The following VWDE variants were observed in gnomAD, a reference collection of about 807,000 sequenced individuals.
VWDE encodes von Willebrand factor D and EGF domain-containing protein.
Under a neutral mutation model 178.4 loss-of-function variants are expected in VWDE, and 207 were observed. The observed-to-expected ratio is 1.16, with a 90% confidence interval of 1.04 to 1.30. The LOEUF (loss-of-function observed/expected upper bound fraction) is 1.30. Ranked by LOEUF, VWDE falls within the 50% of genes most tolerant of loss-of-function variation. The pLI is 0.00. For missense variants in VWDE, 2,287 were observed against 1,901.3 expected (o/e 1.20, Z -3.77); for synonymous variants, 738 against 651.4 (o/e 1.13, Z -2.02).
At chr7:12,377,469 C>G (rs528099281) in intron 7 of VWDE, 1 of 181,806 alleles carries the variant, frequency 5.5e-6, no homozygotes, top group Non-Finnish European at 1.1e-5. Context: ...GAGGAATAAA[C>G]AGGAGAATGA....
chr7:12,388,927 TG>T, intron 3 of VWDE, 199 bp downstream of exon 3: 1 of 706,636 alleles, frequency 1.4e-6, no homozygotes, highest in Non-Finnish European at 2.6e-6. Context: ...CTTTCACGTG[TG>T]GGGGGACTTT....
intron 28 of VWDE, among the ~76,000 whole-genome samples, chr7:12,331,534 T>C (rs1210439654): frequency 6.6e-6 from 1 of 152,160 alleles, no homozygotes; most frequent in Non-Finnish European, 1.5e-5. Context: ...AGTGTTTCTC[T>C]GAAGTGTCTT....
Position 12,370,218 on chromosome 7 carries a change from C to A in VWDE, c.2088G>T (p.Leu696=). The part of the protein sequence containing the change: ...SPEEYNLNLF[L]QEKKHINLTK... ...TCAGGTTTATGTGTTTTTTTTCTTG[C>A]AGAAATAAATTTAGATTATATTCTT... The change falls in exon 12 of 29, where the codon CTG becomes CTT. Residue 696 remains leucine (L), a synonymous_variant. Transcript: ENST00000275358. 1 of 1,550,656 alleles carries A rather than the reference C, an allele frequency of 6.4e-7. No homozygotes were observed. The highest frequency in any genetic ancestry group is 2.4e-5 in the East Asian group (1 of 40,896).
chr7:12,379,961 G>A (rs1203695193), intron 5 of VWDE, among the ~76,000 whole-genome samples: 2 of 151,818 alleles, frequency 1.3e-5, no homozygotes, highest in Non-Finnish European at 1.5e-5. Flanking sequence ...GTGTGGGTGT[G>A]GTGGCGGGCG....
At chr7:12,374,843 C>T in intron 8 of VWDE, 81 bp from the exon 9 acceptor site, 1 of 1,148,568 alleles carries the variant, frequency 8.7e-7, no homozygotes, top group Admixed American at 2.7e-5. Flanking sequence ...GCAATCTCAA[C>T]AAACTTTCAA....
chr7:12,403,419 G>T (rs1002625145), intron 1 of VWDE, among the ~76,000 whole-genome samples: 1 of 152,238 alleles, frequency 6.6e-6, no homozygotes, highest in African/African-American at 2.4e-5. Flanking sequence ...AAGGGTCGTA[G>T]AGTAAGAGGA....
rs1233643012 is a variant in VWDE at position 12,403,827 on chromosome 7, G to A, written c.-111C>T. The A allele has an allele frequency of 7.5e-6, 9 of 1,202,160 alleles. No homozygotes were observed. The East Asian group carries it at 2.1e-4, about 27-fold the overall frequency. 74.5% of individuals were successfully genotyped at this position (1,202,160 alleles called of 1,614,324 possible). On this transcript the variant is annotated 5_prime_UTR_variant, in exon 1 of 29. Transcript: ENST00000275358. ...CTCCTTTCTTGGATTTTCTCAGTCT[G>A]TTGCTGCTTGGAACAGGGAAGCTCC...
chr7:12,399,172 A>G (rs1784762561), intron 1 of VWDE, among the ~76,000 whole-genome samples: 1 of 152,168 alleles, frequency 6.6e-6, no homozygotes, highest in South Asian at 2.1e-4. Context: ...TTCTTTACGT[A>G]TCAAAAGACA....
Position 12,374,710 on chromosome 7 carries a change from T to G in VWDE, c.1295A>C (p.His432Pro), listed in dbSNP as rs1403332213. Residue 432 changes from histidine (H) to proline (P), a missense_variant, in exon 9 of 29, where the codon CAT becomes CCT. Coordinates refer to ENST00000275358, the MANE Select transcript of VWDE (RefSeq NM_001135924.3). ...TAYCYTFTDP[H>P]IITFDGRVYD... is the part of the protein sequence containing the mutation. The stretch of plus-strand genomic sequence containing the variant: ...TTACCTGCCATCAAATGTAATTATA[T>G]GTGGGTCAGTAAATGTATAGCAGTA... 1 of 1,538,756 alleles carries G rather than the reference T, an allele frequency of 6.5e-7. No individual in the cohort carries two copies. The highest frequency in any genetic ancestry group is 8.8e-7 in the Non-Finnish European group (1 of 1,142,428).
chr7:12,388,772 T>A, intron 3 of VWDE: 1 of 361,622 alleles, frequency 2.8e-6, no homozygotes, highest in Non-Finnish European at 5.5e-6. Context: ...GATGAAATAA[T>A]ATAAAATGTA....
At chr7:12,356,074 T>G (rs1782225618) in intron 18 of VWDE, 37 bp downstream of exon 18, 7 of 1,521,540 alleles carry the variant, frequency 4.6e-6, no homozygotes, top group South Asian at 1.2e-5. Flanking sequence ...TTCAAGGAGC[T>G]TTTCTTTCTA....
rs926220639 is a variant in VWDE at position 12,403,773 on chromosome 7, G to A, written c.-57C>T. The A allele has an allele frequency of 8.5e-5, 130 of 1,533,956 alleles. No homozygotes were observed. The highest frequency in any genetic ancestry group is 1.1e-4 in the Non-Finnish European group (124 of 1,132,612). ...GCAGAGCCCGGGCCGCGGGTGCCAG[G>A]AGGATGGGGCCACAGCAGCCCCTCG... On this transcript the variant is annotated 5_prime_UTR_variant, in exon 1 of 29. Coordinates refer to ENST00000275358, the MANE Select transcript of VWDE (RefSeq NM_001135924.3).
intron 3 of VWDE, among the ~76,000 whole-genome samples, chr7:12,385,090 A>T (rs1464225355): frequency 6.6e-6 from 1 of 152,090 alleles, no homozygotes; most frequent in Non-Finnish European, 1.5e-5. Flanking sequence ...AATTGCTTTG[A>T]TTACAATTAT....
chr7:12,357,163 G>A, intron 17 of VWDE, 102 bp downstream of exon 17: 3 of 1,375,506 alleles, frequency 2.2e-6, no homozygotes, highest in Non-Finnish European at 2.9e-6. Context: ...TAATAACTTT[G>A]TTGCTCTTTA....
intron 1 of VWDE, among the ~76,000 whole-genome samples, chr7:12,400,190 G>A (rs1595800): frequency 0.11 from 16,456 of 151,852 alleles, 1,107 homozygotes; most frequent in Non-Finnish European, 0.14. Flanking sequence ...TAAACCTAAA[G>A]GAAGCAGAAG....
intron 18 of VWDE, among the ~76,000 whole-genome samples, chr7:12,354,732 A>G (rs543591222): frequency 1.2e-4 from 19 of 152,302 alleles, no homozygotes; most frequent in Non-Finnish European, 2.9e-5. Flanking sequence ...TTGTTTTTGT[A>G]AATAAGATGA....
At chr7:12,355,920 G>C (rs760582189) in intron 18 of VWDE, among the ~76,000 whole-genome samples, 191 bp downstream of exon 18, 1 of 152,126 alleles carries the variant, frequency 6.6e-6, no homozygotes, top group African/African-American at 2.4e-5. Flanking sequence ...TGGCAAAAAT[G>C]TAATAGTGCA....
chr7:12,339,848 A>C (rs954857082), intron 24 of VWDE, among the ~76,000 whole-genome samples: 1 of 152,190 alleles, frequency 6.6e-6, no homozygotes, highest in African/African-American at 2.4e-5. Flanking sequence ...CCCATGAAAG[A>C]GAAAAACAAT....
At chr7:12,380,800 C>A in intron 4 of VWDE, 67 bp from the exon 5 acceptor site, 1 of 1,504,904 alleles carries the variant, frequency 6.6e-7, no homozygotes. Flanking sequence ...ATGGAAAAAG[C>A]ACTCAAAGAC....
Sources: allele counts gnomAD v4.1 joint callset (sites outside exome capture counted in the v4.1 genomes callset), GRCh38; gene constraint gnomAD v4.1.1; transcripts MANE v1.5; gene names NCBI Gene and HGNC (gene_info 2026-07-23, HGNC 2026-07-21).